Variants in BRPF3 observed in about 807,000 individuals in gnomAD.
BRPF3 encodes bromodomain and PHD finger-containing protein 3.
A neutral mutation model predicts 102.0 loss-of-function variants in BRPF3; 18 were observed. The observed-to-expected ratio is 0.18, with a 90% confidence interval of 0.12 to 0.26. The LOEUF is 0.26. Ranked by LOEUF, BRPF3 falls within the 10% of genes least tolerant of loss-of-function variation. The pLI is 1.00. For missense variants in BRPF3, 1,147 were observed against 1,567.8 expected (o/e 0.73, Z 4.53); for synonymous variants, 570 against 614.2 (o/e 0.93, Z 1.06).
rs538563894 is a variant in BRPF3 at position 36,232,561 on chromosome 6, G to A, written c.*1952G>A. On this transcript the variant is annotated 3_prime_UTR_variant, in exon 13 of 13. Coordinates refer to ENST00000357641, the MANE Select transcript of BRPF3 (RefSeq NM_015695.3). ...AACGGCTCAGATCCTGCTGTGGCAC[G>A]GGGCCTATGTGTCTCTGTCGCGTCT... 3.9e-5 allele frequency: 6 copies of A among 152,698 alleles called. No homozygotes were observed. The highest frequency in any genetic ancestry group is 1.9e-4 in the East Asian group (1 of 5,186). The allele number at this position is 152,698 out of a possible 1,614,324, so 9.5% of individuals were successfully genotyped here.
At chr6:36,208,066 G>A (rs191272137) in intron 4 of BRPF3, among the ~76,000 whole-genome samples, 143 of 152,278 alleles carry the variant, frequency 9.4e-4, no homozygotes, top group Non-Finnish European at 1.1e-3. Context: ...CTGGAATATG[G>A]GGGTAATTAT....
chr6:36,208,917 C>A (rs190474870), intron 4 of BRPF3, among the ~76,000 whole-genome samples: 1 of 152,206 alleles, frequency 6.6e-6, no homozygotes, highest in Non-Finnish European at 1.5e-5. Context: ...CGGGGGCAAG[C>A]CTGGAGGCCC....
Position 36,201,482 on chromosome 6 carries a change from C to G in BRPF3, c.1160C>G (p.Ser387Trp). The G allele has an allele frequency of 1.2e-6, 2 of 1,614,192 alleles. No homozygotes were observed. Among genetic ancestry groups the G allele is most frequent in the Non-Finnish European group, 1.7e-6 (2 of 1,180,042 alleles). The change falls in exon 2 of 13, where the codon TCG (serine) becomes TGG (tryptophan). Residue 387 changes from serine (S) to tryptophan (W), a missense_variant. Ser to Trp is a radical substitution (Grantham distance 177). Transcript: ENST00000357641. This position sits in a 1 kb window ranked among gnomAD's most constrained non-coding sequence, Gnocchi z 5.1. ...VRKTAYCEAH[S>W]PPGAATARRK... ...AAGACTGCCTACTGTGAGGCCCACT[C>G]GCCACCAGGTGCGGCCACTGCTAGG... is the stretch of plus-strand genomic sequence containing the variant.
At chr6:36,197,951 T>C (rs1404059030) in intron 1 of BRPF3, among the ~76,000 whole-genome samples, 1 of 152,002 alleles carries the variant, frequency 6.6e-6, no homozygotes, top group Non-Finnish European at 1.5e-5. Flanking sequence ...TTCATGAAAG[T>C]GGGCGCCGCA....
chr6:36,210,330 A>G lies in BRPF3; in HGVS notation c.1981A>G (p.Ile661Val), dbSNP rs999613332. Residue 661 changes from isoleucine (I) to valine (V), a missense_variant, in exon 6 of 13, where the codon ATA becomes GTA. Transcript: ENST00000357641. The surrounding 1 kb of genome is among the most constrained non-coding windows in gnomAD (Gnocchi z 4.7). ...LEEFEEDFNL[I>V]VTNCMKYNAK... ...GGAGTTTGAGGAGGACTTTAACCTT[A>G]TAGTTACCAACTGCATGAAGTATAA... The G allele has an allele frequency of 6.2e-7, 1 of 1,614,250 alleles. No homozygotes were observed. The highest frequency in any genetic ancestry group is 1.7e-5 in the Admixed American group (1 of 60,026).
At chr6:36,215,267 C>A (rs182825732) in intron 8 of BRPF3, among the ~76,000 whole-genome samples, 90 of 152,268 alleles carry the variant, frequency 5.9e-4, no homozygotes, top group African/African-American at 2.1e-3. Context: ...AGGTGCCCAC[C>A]ACCACGCCTT....
intron 4 of BRPF3, 60 bp from the exon 5 acceptor site, chr6:36,209,727 A>G (rs1165341428): frequency 2.6e-6 from 4 of 1,558,752 alleles, no homozygotes; most frequent in Non-Finnish European, 1.7e-6. Context: ...ATCAAGAAAA[A>G]GTTTCAGTAC....
At chr6:36,228,442 C>G (rs552462248) in intron 11 of BRPF3, among the ~76,000 whole-genome samples, 52 of 152,272 alleles carry the variant, frequency 3.4e-4, no homozygotes, top group African/African-American at 1.1e-3. Flanking sequence ...TCATACCCCC[C>G]TCTCCATCAA....
chr6:36,230,756 GC>G lies in BRPF3; in HGVS notation c.*151del. The G allele has an allele frequency of 9.3e-7, 1 of 1,071,370 alleles. No homozygotes were observed. 66.4% of individuals were successfully genotyped at this position (1,071,370 alleles called of 1,614,324 possible). ...GGGCTTTCTCCCCACTAAGGGCAAG[GC>G]CCCAGTTTTGACCAATCGCATGGTT... On this transcript the variant is annotated 3_prime_UTR_variant, in exon 13 of 13. Coordinates refer to ENST00000357641, the MANE Select transcript of BRPF3 (RefSeq NM_015695.3). This position sits in a 1 kb window ranked among gnomAD's most constrained non-coding sequence, Gnocchi z 5.4.
At chr6:36,211,643 C>G in intron 7 of BRPF3, 83 bp downstream of exon 7, 1 of 1,464,798 alleles carries the variant, frequency 6.8e-7, no homozygotes, top group Middle Eastern at 2.0e-4. Context: ...TGGGGGTATT[C>G]TTTCTGAGTT....
chr6:36,211,403 C>G lies in BRPF3; in HGVS notation c.2325C>G (p.Ile775Met). 6.2e-7 allele frequency: 1 copy of G among 1,613,980 alleles called. No homozygotes were observed. Among genetic ancestry groups the G allele is most frequent in the Non-Finnish European group, 8.5e-7 (1 of 1,179,902 alleles). Residue 775 changes from isoleucine to methionine, a missense_variant, in exon 7 of 13, where the codon ATC becomes ATG. Physicochemically the swap from Ile to Met is conservative, Grantham distance 10. Coordinates refer to ENST00000357641, the MANE Select transcript of BRPF3 (RefSeq NM_015695.3). ...GTGTCCGCCTGCTACGCCGGGAGATCAATGCCCTTCGGCAGAAGCTGGCAC... is the reference window on the plus strand; with the variant it reads ...GTGTCCGCCTGCTACGCCGGGAGATGAATGCCCTTCGGCAGAAGCTGGCAC... ...TRRVRLLRRE[I>M]NALRQKLAQP...
chr6:36,211,405 A>G lies in BRPF3; in HGVS notation c.2327A>G (p.Asn776Ser), dbSNP rs759242365. 1.4e-5 allele frequency: 22 copies of G among 1,613,970 alleles called. No individual in the cohort carries two copies. Among genetic ancestry groups the G allele is most frequent in the South Asian group, 3.3e-5 (3 of 91,076 alleles). ...RRVRLLRREINALRQKLAQPP... is the reference protein window; with the variant it reads ...RRVRLLRREISALRQKLAQPP... ...GTCCGCCTGCTACGCCGGGAGATCA[A>G]TGCCCTTCGGCAGAAGCTGGCACAG... The change falls in exon 7 of 13, where the codon AAT becomes AGT. Residue 776 changes from asparagine (N) to serine (S), a missense_variant. Physicochemically the swap from Asn to Ser is conservative, Grantham distance 46. Coordinates refer to ENST00000357641, the MANE Select transcript of BRPF3 (RefSeq NM_015695.3).
intron 7 of BRPF3, among the ~76,000 whole-genome samples, chr6:36,213,675 C>A (rs1166477979): frequency 6.6e-6 from 1 of 151,582 alleles, no homozygotes; most frequent in Non-Finnish European, 1.5e-5. Context: ...TGCACTCCAG[C>A]CTGGTCAACA....
chr6:36,201,889 A>G lies in BRPF3; in HGVS notation c.1448+119A>G, dbSNP rs554191343. 1.1e-4 allele frequency: 157 copies of G among 1,410,140 alleles called. No individual in the cohort carries two copies. In the South Asian group the frequency reaches 2.2e-3, roughly 20 times the overall value. The allele number at this position is 1,410,140 out of a possible 1,614,324, so 87.4% of individuals were successfully genotyped here. On this transcript the variant is annotated intron_variant, in intron 2 of 12. Transcript: ENST00000357641. This position sits in a 1 kb window ranked among gnomAD's most constrained non-coding sequence, Gnocchi z 5.1. ...ACTATATCCTCCTCCCCGAATTTAAACTCTTCCTTTTGACCCCAGGCTCAC... is the reference window on the plus strand; with the variant it reads ...ACTATATCCTCCTCCCCGAATTTAAGCTCTTCCTTTTGACCCCAGGCTCAC...
rs1405725782 is a variant in BRPF3, at chr6:36,222,249, T to C, written c.3165T>C (p.Ser1055=). 6.5e-7 allele frequency: 1 copy of C among 1,549,914 alleles called. No individual in the cohort carries two copies. Among genetic ancestry groups the C allele is most frequent in the Non-Finnish European group, 8.7e-7 (1 of 1,147,072 alleles). ...VPFLEGVNGD[S]DYNGSGRSLL... ...TCCTGGAAGGTGTGAACGGAGACTC[T>C]GACTACAATGGCTCAGGTGAGGAGC... The change falls in exon 10 of 13, where the codon TCT becomes TCC. Residue 1055 remains serine (S), a synonymous_variant. Transcript: ENST00000357641.
intron 2 of BRPF3, 135 bp from the exon 3 acceptor site, chr6:36,204,523 G>T: frequency 1.1e-6 from 1 of 933,754 alleles, no homozygotes. Context: ...CTTTCTCTGA[G>T]GTGAGGTATT....
chr6:36,198,149 TTC>T (rs1229627756), intron 1 of BRPF3, among the ~76,000 whole-genome samples: 4 of 152,292 alleles, frequency 2.6e-5, no homozygotes, highest in Admixed American at 1.3e-4. Context: ...GCTGCGATGA[TTC>T]TGTTTCCTTT....
intron 7 of BRPF3, 160 bp from the exon 8 acceptor site, chr6:36,213,720 C>T: frequency 1.3e-6 from 1 of 770,824 alleles, no homozygotes; most frequent in Non-Finnish European, 2.1e-6. Flanking sequence ...AAAAAAAAAC[C>T]TAATCCTCCT....
rs1384374417 is a variant in BRPF3, at chr6:36,211,452, T to C, written c.2374T>C (p.Ser792Pro). 6.2e-7 allele frequency: 1 copy of C among 1,606,930 alleles called. No homozygotes were observed. Among genetic ancestry groups the C allele is most frequent in the East Asian group, 2.3e-5 (1 of 44,266 alleles). ...ACAGCCACCACCACCACAGCCACCATCACTCAACAAGACAGTATCCAATGG... is the reference window on the plus strand; with the variant it reads ...ACAGCCACCACCACCACAGCCACCACCACTCAACAAGACAGTATCCAATGG... ...LAQPPPPQPP[S>P]LNKTVSNGEL... is the part of the protein sequence containing the mutation. Residue 792 changes from serine to proline, a missense_variant, in exon 7 of 13, where the codon TCA (serine) becomes CCA (proline). Ser to Pro is a moderately conservative substitution (Grantham distance 74). This residue lies in a region of BRPF3 where 379 missense variants were observed against 426.3 expected (regional missense o/e 0.89). Coordinates refer to ENST00000357641, the MANE Select transcript of BRPF3 (RefSeq NM_015695.3).
Sources: gnomAD v4.1 joint callset for allele counts (sites outside exome capture counted in the v4.1 genomes callset) on GRCh38, gnomAD v4.1.1 for gene constraint, gnomAD v4.1.1 regional missense constraint, Gnocchi (gnomAD v3.1) non-coding constraint, MANE v1.5 for transcripts, NCBI Gene and HGNC (gene_info 2026-07-23, HGNC 2026-07-21) for gene names.